KLF12: variants seen among roughly 807,000 people sequenced by gnomAD.
The protein encoded by KLF12 is KLF transcription factor 12.
KLF12 carries 9 observed loss-of-function variants against 37.8 expected under a neutral mutation model. The observed-to-expected ratio is 0.24, with a 90% confidence interval of 0.14 to 0.42. The LOEUF (loss-of-function observed/expected upper bound fraction) is 0.42, where lower values mean the gene tolerates loss of function less well. Ranked by LOEUF, KLF12 falls within the 10% of genes least tolerant of loss-of-function variation. KLF12 has a pLI of 1.00. For synonymous variants in KLF12, 208 were observed against 202.1 expected, an observed-to-expected ratio of 1.03 and a Z score of -0.25; for missense variants, 411 against 516.0, an observed-to-expected ratio of 0.80 and a Z score of 1.97.
chr13:74,245,712 C>T, the KLF12 span, among the ~76,000 whole-genome samples: 1 of 151,986 alleles, frequency 6.6e-6, no homozygotes, highest in Non-Finnish European at 1.5e-5. Context: ...ACCTTGTATC[C>T]ACTGTGGAAC....
chr13:73,695,485 A>G lies in KLF12; in HGVS notation c.*5T>C, dbSNP rs767595150. The G allele has an allele frequency of 1.2e-6, 2 of 1,613,324 alleles. No individual in the cohort carries two copies. Among genetic ancestry groups the G allele is most frequent in the East Asian group, 2.2e-5 (1 of 44,874 alleles). ...TCTTACGCTCAGCTGGACAGGTAGC[A>G]TTCCTCACACCAACATATGCCTCCG... On this transcript the variant is annotated 3_prime_UTR_variant, in exon 8 of 8. Coordinates refer to ENST00000377669, the MANE Select transcript of KLF12 (RefSeq NM_007249.5).
chr13:73,869,601 CATAG>C (rs1431873063), intron 3 of KLF12, among the ~76,000 whole-genome samples: 3 of 151,910 alleles, frequency 2.0e-5, no homozygotes, highest in South Asian at 2.1e-4. Flanking sequence ...TCTGCAAGTA[CATAG>C]ATAAATTATA....
chr13:73,918,795 T>C (rs1888974093), intron 3 of KLF12, among the ~76,000 whole-genome samples: 2 of 152,214 alleles, frequency 1.3e-5, no homozygotes, highest in South Asian at 4.1e-4. Flanking sequence ...AAGAGAACCC[T>C]AACTGCTATT....
In KLF12 at chr13:74,052,136, T is replaced by TTA. The variant is rs559480880; in HGVS notation, c.-31-57085_-31-57084dup. Reference sequence around the variant, plus strand: ...TTTACCTTTCTATGCCTCAGTTTCCTTATATATAAAAAAGAAAGAACTAAC... The same window carrying TTA: ...TTTACCTTTCTATGCCTCAGTTTCCTTATATATATAAAAAAGAAAGAACTAAC... On this transcript the variant is annotated intron_variant, in intron 1 of 7. Coordinates refer to ENST00000377669, the MANE Select transcript of KLF12 (RefSeq NM_007249.5). Among the ~76,000 whole-genome samples the TTA allele has an allele frequency of 5.5e-3, 826 of 151,214 alleles. 11 individuals are homozygous for TTA. Among genetic ancestry groups the TTA allele is most frequent in the African/African-American group, 0.019 (775 of 41,522 alleles).
intron 3 of KLF12, among the ~76,000 whole-genome samples, chr13:73,937,295 C>T (rs149268743): frequency 2.0e-5 from 3 of 152,214 alleles, no homozygotes; most frequent in Middle Eastern, 3.4e-3. Flanking sequence ...AGAGAAAACA[C>T]GCTTGATGGT....
At chr13:74,078,672 A>G (rs1874707066) in intron 1 of KLF12, among the ~76,000 whole-genome samples, 1 of 152,242 alleles carries the variant, frequency 6.6e-6, no homozygotes, top group Non-Finnish European at 1.5e-5. Flanking sequence ...TGTGGAAAAC[A>G]TTCTGACACA....
intron 1 of KLF12, among the ~76,000 whole-genome samples, chr13:74,036,560 A>G (rs1893251229): frequency 6.6e-6 from 1 of 152,122 alleles, no homozygotes; most frequent in African/African-American, 2.4e-5. Context: ...ATGTGGTAAG[A>G]TTTTTCTATC....
At chr13:73,975,805 G>A (rs1308741727) in intron 2 of KLF12, among the ~76,000 whole-genome samples, 1 of 151,942 alleles carries the variant, frequency 6.6e-6, no homozygotes, top group Non-Finnish European at 1.5e-5. Context: ...CCCTCCTTTG[G>A]CTTACCTCTA....
At chr13:73,828,405 A>G (rs1317822419) in intron 4 of KLF12, among the ~76,000 whole-genome samples, 1 of 152,202 alleles carries the variant, frequency 6.6e-6, no homozygotes, top group Non-Finnish European at 1.5e-5. Context: ...GTCATTTTAG[A>G]TATACGTCTT....
rs548367732 is a variant in KLF12, at chr13:73,894,339, T to C, written c.124-47966A>G. On this transcript the variant is annotated intron_variant, in intron 3 of 7. Transcript: ENST00000377669. The stretch of plus-strand genomic sequence containing the variant: ...TATACTTGGGACACCACATTCACAA[T>C]GAAATGATGCCCTGTAAGTAAGATA... 8.7e-4 allele frequency among the ~76,000 whole-genome samples: 133 copies of C among 152,302 alleles called. 4 individuals are homozygous for C. The South Asian group carries it at 0.025, about 29-fold the overall frequency.
At chr13:74,270,877 C>T in the KLF12 span, among the ~76,000 whole-genome samples, 1 of 152,130 alleles carries the variant, frequency 6.6e-6, no homozygotes, top group Non-Finnish European at 1.5e-5. Flanking sequence ...GCTTTCCCAT[C>T]AATTCTGTGA....
At chr13:74,168,078 T>A in the KLF12 span, among the ~76,000 whole-genome samples, 1 of 152,224 alleles carries the variant, frequency 6.6e-6, no homozygotes, top group East Asian at 1.9e-4. Flanking sequence ...CATCTTTCAT[T>A]TCCTATATAA....
chr13:74,277,796 G>A, the KLF12 span, among the ~76,000 whole-genome samples: 1 of 152,090 alleles, frequency 6.6e-6, no homozygotes, highest in African/African-American at 2.4e-5. Context: ...GATGTCACAA[G>A]GTCAGTCTTG....
chr13:73,899,041 A>C (rs1887917642), intron 3 of KLF12, among the ~76,000 whole-genome samples: 1 of 152,202 alleles, frequency 6.6e-6, no homozygotes, highest in Non-Finnish European at 1.5e-5. Flanking sequence ...AAGATGGGGT[A>C]AACAAAAGTC....
At chr13:73,931,432 A>G (rs1889668537) in intron 3 of KLF12, among the ~76,000 whole-genome samples, 1 of 152,214 alleles carries the variant, frequency 6.6e-6, no homozygotes, top group Non-Finnish European at 1.5e-5. Flanking sequence ...GCAATAATCC[A>G]AAGAAGATTA....
chr13:74,222,058 G>A, the KLF12 span, among the ~76,000 whole-genome samples: 1 of 152,190 alleles, frequency 6.6e-6, no homozygotes, highest in Non-Finnish European at 1.5e-5. Context: ...GAGCTAGATG[G>A]TAAAGATGAA....
intron 6 of KLF12, among the ~76,000 whole-genome samples, chr13:73,747,809 A>G (rs934736733): frequency 9.2e-5 from 14 of 152,328 alleles, no homozygotes; most frequent in African/African-American, 2.9e-4. Context: ...CTGAAATATG[A>G]AAATAGGCAG....
the KLF12 span, among the ~76,000 whole-genome samples, chr13:74,140,701 C>T: frequency 2.0e-5 from 3 of 152,182 alleles, no homozygotes; most frequent in African/African-American, 7.2e-5. Flanking sequence ...AATACAACTC[C>T]TGTTGCATAG....
intron 1 of KLF12, among the ~76,000 whole-genome samples, chr13:74,047,214 G>A (rs1219656615): frequency 1.3e-5 from 2 of 152,104 alleles, no homozygotes; most frequent in Non-Finnish European, 2.9e-5. Context: ...CCTAACAGCT[G>A]TGAGGATTTG....
Sources: gnomAD v4.1 joint callset for allele counts (sites outside exome capture counted in the v4.1 genomes callset) on GRCh38, gnomAD v4.1.1 for gene constraint, MANE v1.5 for transcripts, NCBI Gene and HGNC (gene_info 2026-07-23, HGNC 2026-07-21) for gene names.